The following ERICH4 variants were observed in gnomAD, a reference collection of about 807,000 sequenced individuals.
ERICH4 encodes glutamate-rich protein 4.
A neutral mutation model predicts 5.2 loss-of-function variants in ERICH4; 4 were observed. The observed-to-expected ratio is 0.77, with a 90% CI of 0.38 to 1.76. The LOEUF (loss-of-function observed/expected upper bound fraction) is 1.76. Ranked by LOEUF, ERICH4 falls within the 40% of genes most tolerant of loss-of-function variation. ERICH4 has a pLI of 0.04. For synonymous variants in ERICH4, 75 were observed against 68.7 expected (o/e 1.09, Z -0.45); for missense variants, 164 against 159.8 (o/e 1.03, Z -0.14).
chr19:41,443,440 C>A, intron 1 of ERICH4, 97 bp downstream of exon 1: 1 of 1,055,054 alleles, frequency 9.5e-7, no homozygotes, highest in Non-Finnish European at 1.2e-6. Flanking sequence ...AAAACAGAAT[C>A]TGAGAGATAG....
chr19:41,443,238 C>G lies in ERICH4; in HGVS notation c.69C>G (p.Ala23=). ...VPPGLGPPPQ[A]LREVSPVEIP... is the part of the protein sequence containing the mutation. ...CGGGGCTGGGCCCACCCCCCCAGGCCCTGAGGGAGGTCTCCCCAGTGGAAA... is the reference window on the plus strand; with the variant it reads ...CGGGGCTGGGCCCACCCCCCCAGGCGCTGAGGGAGGTCTCCCCAGTGGAAA... The change falls in exon 1 of 2, where the codon GCC becomes GCG. Residue 23 remains alanine, a synonymous_variant. Transcript: ENST00000378187. The G allele has an allele frequency of 6.9e-7, 1 of 1,457,118 alleles. No individual in the cohort carries two copies. The highest frequency in any genetic ancestry group is 9.1e-7 in the Non-Finnish European group (1 of 1,100,618). 90.3% of individuals were successfully genotyped at this position (1,457,118 alleles called of 1,614,324 possible). A position where few individuals can be genotyped will look rare whatever the true frequency, so the allele number is the denominator to read the frequency against.
At chr19:41,443,813 A>C (rs1255359606) in intron 1 of ERICH4, 193 bp from the exon 2 acceptor site, 2 of 586,252 alleles carry the variant, frequency 3.4e-6, no homozygotes, top group Admixed American at 6.3e-5. Context: ...TGAAATGGAG[A>C]GACAAAGAGA....
chr19:41,444,194 A>G lies in ERICH4; in HGVS notation c.363A>G (p.Pro121=), dbSNP rs1173755569. Residue 121 remains proline (P), a synonymous_variant, in exon 2 of 2, where the codon CCA becomes CCG. Transcript: ENST00000378187. ...AACACCTGGAGGCCTGCCCAGCCCC[A>G]CATCCACCTGACTTTGAGATGATGA... ...EEEHLEACPA[P]HPPDFEMMI 3.9e-6 allele frequency: 6 copies of G among 1,552,146 alleles called. No homozygotes were observed. Among genetic ancestry groups the G allele is most frequent in the Non-Finnish European group, 5.2e-6 (6 of 1,147,140 alleles).
Position 41,443,293 on chromosome 19 carries a change from G to A in ERICH4, c.124G>A (p.Ala42Thr). The change falls in exon 1 of 2, where the codon GCA (alanine) becomes ACA (threonine). Residue 42 changes from alanine to threonine, a missense_variant. By Grantham distance (58) the Ala-to-Thr change is moderately conservative (BLOSUM62 0). Coordinates refer to ENST00000378187, the MANE Select transcript of ERICH4 (RefSeq NM_001130514.3). ...TGGTCAGACCCTCAGGACTGCAGGG[G>A]CAGACACTGGAGGTGCCTGCGATAG... ...IPGQTLRTAGADTGGACDSLL... is the reference protein window; with the variant it reads ...IPGQTLRTAGTDTGGACDSLL... 7.3e-7 allele frequency: 1 copy of A among 1,360,748 alleles called. No homozygotes were observed. Among genetic ancestry groups the A allele is most frequent in the African/African-American group, 1.5e-5 (1 of 65,860 alleles). The allele number at this position is 1,360,748 out of a possible 1,614,324, so 84.3% of individuals were successfully genotyped here.
chr19:41,444,174 C>A lies in ERICH4; in HGVS notation c.343C>A (p.Leu115Met). 6.4e-7 allele frequency: 1 copy of A among 1,552,056 alleles called. No individual in the cohort carries two copies. Among genetic ancestry groups the A allele is most frequent in the Non-Finnish European group, 8.7e-7 (1 of 1,147,064 alleles). The change falls in exon 2 of 2, where the codon CTG (leucine) becomes ATG (methionine). Residue 115 changes from leucine to methionine, a missense_variant. Leu to Met is a conservative substitution (Grantham distance 15, BLOSUM62 2). Transcript: ENST00000378187. Reference protein sequence around the residue: ...EPQRKQEEEHLEACPAPHPPD... With the variant: ...EPQRKQEEEHMEACPAPHPPD... ...CCAGAGGAAGCAGGAGGAGGAACAC[C>A]TGGAGGCCTGCCCAGCCCCACATCC...
chr19:41,443,221 G>A lies in ERICH4; in HGVS notation c.52G>A (p.Gly18Ser), dbSNP rs1555773409. The change falls in exon 1 of 2, where the codon GGC becomes AGC. Residue 18 changes from glycine to serine, a missense_variant. Transcript: ENST00000378187. ...NQAGLVPPGLGPPPQALREVS... is the reference protein window; with the variant it reads ...NQAGLVPPGLSPPPQALREVS... ...GGCTGGACTGGTGCCTCCGGGGCTG[G>A]GCCCACCCCCCCAGGCCCTGAGGGA... 6.8e-7 allele frequency: 1 copy of A among 1,477,832 alleles called. No homozygotes were observed. Among genetic ancestry groups the A allele is most frequent in the South Asian group, 1.3e-5 (1 of 75,984 alleles). The allele number at this position is 1,477,832 out of a possible 1,614,324, so 91.5% of individuals were successfully genotyped here.
intron 1 of ERICH4, 79 bp from the exon 2 acceptor site, chr19:41,443,927 A>T (rs1555773493): frequency 8.7e-7 from 1 of 1,145,888 alleles, no homozygotes. Context: ...ATGAGTTGGG[A>T]CCTGCTCTCA....
chr19:41,444,229 C>T lies in ERICH4; in HGVS notation c.*5C>T. On this transcript the variant is annotated 3_prime_UTR_variant, in exon 2 of 2. Coordinates refer to ENST00000378187, the MANE Select transcript of ERICH4 (RefSeq NM_001130514.3). ...GACTTTGAGATGATGATCTGAGGCT[C>T]TGCCAGTGGATTTAGATTGACATAC... 6.4e-7 allele frequency: 1 copy of T among 1,552,210 alleles called. No individual in the cohort carries two copies.
In ERICH4 at chr19:41,443,195, A is replaced by G; in HGVS notation, c.26A>G (p.Gln9Arg). 1 of 1,484,728 alleles carries G rather than the reference A, an allele frequency of 6.7e-7. No individual in the cohort carries two copies. The highest frequency in any genetic ancestry group is 2.8e-5 in the East Asian group (1 of 35,798). The allele number at this position is 1,484,728 out of a possible 1,614,324, so 92.0% of individuals were successfully genotyped here. Residue 9 changes from glutamine to arginine, a missense_variant, in exon 1 of 2, where the codon CAG (glutamine) becomes CGG (arginine). Gln to Arg is a conservative substitution (Grantham distance 43). Transcript: ENST00000378187. MELWRQLN[Q>R]AGLVPPGLGP... The stretch of plus-strand genomic sequence containing the variant: ...ATGGAACTGTGGAGGCAGCTGAATC[A>G]GGCTGGACTGGTGCCTCCGGGGCTG...
Position 41,444,263 on chromosome 19 carries a change from T to C in ERICH4, c.*39T>C, listed in dbSNP as rs782319177. 1.3e-6 allele frequency: 2 copies of C among 1,546,664 alleles called. No homozygotes were observed. Among genetic ancestry groups the C allele is most frequent in the East Asian group, 2.4e-5 (1 of 40,892 alleles). On this transcript the variant is annotated 3_prime_UTR_variant, in exon 2 of 2. Coordinates refer to ENST00000378187, the MANE Select transcript of ERICH4 (RefSeq NM_001130514.3). ...GATTTAGATTGACATACAAATGAGA[T>C]GCAAATGTATGTAAAGGAGAAGGGA...
intron 1 of ERICH4, 127 bp from the exon 2 acceptor site, chr19:41,443,879 G>T: frequency 1.5e-6 from 1 of 648,454 alleles, no homozygotes; most frequent in Non-Finnish European, 2.7e-6. Context: ...GGGTCCATGG[G>T]CACAGTGAGG....
chr19:41,443,827 G>A (rs896844488), intron 1 of ERICH4, 179 bp from the exon 2 acceptor site: 1 of 593,392 alleles, frequency 1.7e-6, no homozygotes, highest in African/African-American at 1.9e-5. Flanking sequence ...AAAGAGAAGA[G>A]TTAGAGATCA....
chr19:41,443,430 A>T (rs2040134573), intron 1 of ERICH4, 87 bp downstream of exon 1: 1 of 1,128,420 alleles, frequency 8.9e-7, no homozygotes, highest in African/African-American at 1.6e-5. Flanking sequence ...CAGAGATCGA[A>T]AAACAGAATC....
rs548701067 is a variant in ERICH4 at position 41,443,169 on chromosome 19, G to C, written c.-1G>C. The stretch of plus-strand genomic sequence containing the variant: ...CTCCTTGCAGCCATAGCTCAGAGAC[G>C]ATGGAACTGTGGAGGCAGCTGAATC... On this transcript the variant is annotated 5_prime_UTR_variant, in exon 1 of 2. Coordinates refer to ENST00000378187, the MANE Select transcript of ERICH4 (RefSeq NM_001130514.3). 1 of 1,463,732 alleles carries C rather than the reference G, an allele frequency of 6.8e-7. No individual in the cohort carries two copies. The highest frequency in any genetic ancestry group is 9.0e-7 in the Non-Finnish European group (1 of 1,105,852). The allele number at this position is 1,463,732 out of a possible 1,614,324, so 90.7% of individuals were successfully genotyped here.
In ERICH4 at chr19:41,443,302, G is replaced by C; in HGVS notation, c.133G>C (p.Gly45Arg). The C allele has an allele frequency of 7.5e-7, 1 of 1,337,032 alleles. No homozygotes were observed. Among genetic ancestry groups the C allele is most frequent in the Non-Finnish European group, 9.7e-7 (1 of 1,032,666 alleles). 82.8% of individuals were successfully genotyped at this position (1,337,032 alleles called of 1,614,324 possible). A position where few individuals can be genotyped will look rare whatever the true frequency, so the allele number is the denominator to read the frequency against. ...CCTCAGGACTGCAGGGGCAGACACT[G>C]GAGGTGCCTGCGATAGTCTGCTGTG... Reference protein sequence around the residue: ...QTLRTAGADTGGACDSLLWIR... With the variant: ...QTLRTAGADTRGACDSLLWIR... Residue 45 changes from glycine to arginine, a missense_variant, in exon 1 of 2, where the codon GGA becomes CGA. Physicochemically the swap from Gly to Arg is moderately radical, Grantham distance 125. Coordinates refer to ENST00000378187, the MANE Select transcript of ERICH4 (RefSeq NM_001130514.3).
At position 41,444,011 on chromosome 19, in the gene ERICH4, C is replaced by T. The variant is rs1555773527; in HGVS notation, c.180C>T (p.Asn60=). 1.9e-6 allele frequency: 3 copies of T among 1,548,518 alleles called. No individual in the cohort carries two copies. The highest frequency in any genetic ancestry group is 2.6e-6 in the Non-Finnish European group (3 of 1,146,002). ...SLLWIREELG[N]LRRVDVQLLG... ...CGTCCCCTTCCTACTGGCAGGGGAA[C>T]CTGCGCCGAGTGGATGTCCAGCTGC... Residue 60 remains asparagine (N), a synonymous_variant, in exon 2 of 2, where the codon AAC becomes AAT. Transcript: ENST00000378187.
At position 41,444,185 on chromosome 19, in the gene ERICH4, C is replaced by T. The variant is rs376618280; in HGVS notation, c.354C>T (p.Cys118=). 1.3e-4 allele frequency: 205 copies of T among 1,552,082 alleles called. No homozygotes were observed. The highest frequency in any genetic ancestry group is 1.7e-4 in the Non-Finnish European group (196 of 1,147,122). The change falls in exon 2 of 2, where the codon TGC becomes TGT. Residue 118 remains cysteine (C), a synonymous_variant. Transcript: ENST00000378187. ...RKQEEEHLEA[C]PAPHPPDFEM... ...AGGAGGAGGAACACCTGGAGGCCTG[C>T]CCAGCCCCACATCCACCTGACTTTG...
At chr19:41,443,461 A>G (rs1356370180) in intron 1 of ERICH4, 118 bp downstream of exon 1, 7 of 862,314 alleles carry the variant, frequency 8.1e-6, no homozygotes, top group Non-Finnish European at 1.1e-5. Flanking sequence ...AAGCAGAGAC[A>G]TGAGAGGCAT....
At chr19:41,443,472 G>T in intron 1 of ERICH4, 129 bp downstream of exon 1, 1 of 760,112 alleles carries the variant, frequency 1.3e-6, no homozygotes, top group Admixed American at 3.9e-5. Flanking sequence ...TGAGAGGCAT[G>T]TACAGACACC....
Sources: allele counts gnomAD v4.1 joint callset, GRCh38; gene constraint gnomAD v4.1.1; transcripts MANE v1.5; gene names NCBI Gene and HGNC (gene_info 2026-07-23, HGNC 2026-07-21).